ESRRG: variants seen among roughly 807,000 people sequenced by gnomAD.
ESRRG encodes estrogen-related receptor gamma.
ESRRG carries 13 observed loss-of-function variants against 44.0 expected under a neutral mutation model. That is an observed-to-expected ratio of 0.30 (90% confidence interval 0.19 to 0.47). The LOEUF (loss-of-function observed/expected upper bound fraction) is 0.47. Ranked by LOEUF, ESRRG falls within the 20% of genes least tolerant of loss-of-function variation. The pLI is 1.00. For synonymous variants in ESRRG, 215 were observed against 214.6 expected, an observed-to-expected ratio of 1.00 and a Z score of -0.02; for missense variants, 395 against 580.6, an observed-to-expected ratio of 0.68 and a Z score of 3.29.
At chr1:216,819,812 G>A (rs1189162231) in intron 2 of ESRRG, among the ~76,000 whole-genome samples, 1 of 152,070 alleles carries the variant, frequency 6.6e-6, no homozygotes. Context: ...AAATAAAGTG[G>A]AGAAAACCAG....
chr1:216,546,758 G>A (rs1023402401), intron 5 of ESRRG, among the ~76,000 whole-genome samples: 3 of 151,718 alleles, frequency 2.0e-5, no homozygotes, highest in African/African-American at 7.3e-5. Context: ...AGTGGATAAT[G>A]ATCAGGGTTT....
intron 3 of ESRRG, among the ~76,000 whole-genome samples, chr1:216,624,548 C>T (rs924120296): frequency 1.3e-5 from 2 of 152,316 alleles, no homozygotes; most frequent in African/African-American, 2.4e-5. Flanking sequence ...GAATATTCAG[C>T]ATACCTGCCT....
In ESRRG at chr1:216,566,735, C is replaced by T. The variant is rs919008103; in HGVS notation, c.700+1253G>A. Among the ~76,000 whole-genome samples the T allele has an allele frequency of 9.9e-5, 15 of 152,030 alleles. 1 individual carries two copies. Among genetic ancestry groups the T allele is most frequent in the Admixed American group, 7.9e-4 (12 of 15,256 alleles). On this transcript the variant is annotated intron_variant, in intron 4 of 6. Coordinates refer to ENST00000408911, the MANE Select transcript of ESRRG (RefSeq NM_001438.4). ...TGCAAAATCTGTTTAATGCAGTCCT[C>T]GATTGTATTTGCAGAATGCCAAACA...
intron 1 of ESRRG, among the ~76,000 whole-genome samples, chr1:216,998,222 A>T (rs917391234): frequency 6.6e-6 from 1 of 152,230 alleles, no homozygotes; most frequent in African/African-American, 2.4e-5. Flanking sequence ...AAGAAACACT[A>T]AACACCTAAA....
chr1:217,101,831 A>G (rs2092517083), intron 1 of ESRRG, among the ~76,000 whole-genome samples: 2 of 151,938 alleles, frequency 1.3e-5, no homozygotes, highest in South Asian at 4.2e-4. Flanking sequence ...ATTGAGACAG[A>G]GTTTCACTCT....
intron 1 of ESRRG, among the ~76,000 whole-genome samples, chr1:217,047,657 A>G (rs1219209286): frequency 1.3e-5 from 2 of 152,196 alleles, no homozygotes; most frequent in Non-Finnish European, 2.9e-5. Flanking sequence ...CAGCTAGGCC[A>G]TGATGATCAT....
chr1:216,553,885 T>G (rs2056964264), intron 5 of ESRRG, among the ~76,000 whole-genome samples: 1 of 152,054 alleles, frequency 6.6e-6, no homozygotes, highest in South Asian at 2.1e-4. Context: ...ATTTTAAAAG[T>G]GTGTTTTTTT....
chr1:216,606,187 G>T (rs1287509959), intron 3 of ESRRG, among the ~76,000 whole-genome samples: 1 of 152,168 alleles, frequency 6.6e-6, no homozygotes, highest in Non-Finnish European at 1.5e-5. Context: ...TGTTATCTTG[G>T]TGCCTGCAGA....
intron 1 of ESRRG, among the ~76,000 whole-genome samples, chr1:216,941,703 A>C (rs1012546523): frequency 3.3e-5 from 5 of 152,150 alleles, no homozygotes; most frequent in Admixed American, 6.6e-5. Context: ...AAGTGGTGAC[A>C]ACTAATCCAG....
At chr1:216,515,024 A>G in intron 6 of ESRRG, among the ~76,000 whole-genome samples, 1 of 151,810 alleles carries the variant, frequency 6.6e-6, no homozygotes, top group East Asian at 1.9e-4. Flanking sequence ...TACATGTATG[A>G]AACCAAACTG....
intron 1 of ESRRG, among the ~76,000 whole-genome samples, chr1:216,692,744 T>C (rs2151752544): frequency 6.6e-6 from 1 of 152,296 alleles, no homozygotes; most frequent in South Asian, 2.1e-4. Context: ...AAGTGTACCA[T>C]TTTTTATCCT....
chr1:216,915,651 C>T (rs1259479232), intron 2 of ESRRG, among the ~76,000 whole-genome samples: 2 of 152,176 alleles, frequency 1.3e-5, no homozygotes, highest in Non-Finnish European at 2.9e-5. Context: ...ACCGCTGTTA[C>T]AGTAGCAGAT....
chr1:216,965,760 C>G (rs551069645), intron 1 of ESRRG, among the ~76,000 whole-genome samples: 1 of 152,240 alleles, frequency 6.6e-6, no homozygotes, highest in East Asian at 1.9e-4. Flanking sequence ...TTGGAAAGAG[C>G]TGGGAGTAGG....
intron 1 of ESRRG, among the ~76,000 whole-genome samples, chr1:216,685,465 G>A (rs2077760563): frequency 6.6e-6 from 1 of 152,100 alleles, no homozygotes; most frequent in African/African-American, 2.4e-5. Context: ...AGACAATTCT[G>A]TTTTCAAGCA....
At chr1:216,568,833 T>C (rs1168320229) in intron 3 of ESRRG, among the ~76,000 whole-genome samples, 1 of 152,042 alleles carries the variant, frequency 6.6e-6, no homozygotes, top group East Asian at 1.9e-4. Context: ...GGCGGGCAGA[T>C]CACCTGAGGT....
rs149838232 is a variant in ESRRG at position 216,995,487 on chromosome 1, A to G, written c.-105-55814T>C. ...GGATTTCACCCCTGTGGGCTCCTTC[A>G]TTGTCATTCCTGTAAGAAGCATGCT... is the stretch of plus-strand genomic sequence containing the variant. On this transcript the variant is annotated intron_variant, in intron 1 of 7. Transcript: ENST00000359162. 6.6e-5 allele frequency among the ~76,000 whole-genome samples: 10 copies of G among 152,260 alleles called. No individual in the cohort carries two copies. In the East Asian group the frequency reaches 1.9e-3, roughly 29 times the overall value.
chr1:216,958,775 C>T (rs976547009), intron 1 of ESRRG, among the ~76,000 whole-genome samples: 7 of 152,102 alleles, frequency 4.6e-5, no homozygotes, highest in African/African-American at 1.7e-4. Context: ...AGTACTGCTC[C>T]ATCTGCTTAG....
chr1:216,883,390 A>C (rs937129024), intron 2 of ESRRG, among the ~76,000 whole-genome samples: 9 of 125,532 alleles, frequency 7.2e-5, no homozygotes, highest in South Asian at 3.7e-4. Context: ...CTCTGAGAAA[A>C]AAAAAAAAAA....
chr1:217,106,240 T>A (rs548421361), intron 1 of ESRRG, among the ~76,000 whole-genome samples: 1 of 152,168 alleles, frequency 6.6e-6, no homozygotes, highest in African/African-American at 2.4e-5. Context: ...AAATTCTCAA[T>A]ACATAATCCA....
Sources: allele counts gnomAD v4.1 joint callset (sites outside exome capture counted in the v4.1 genomes callset), GRCh38; gene constraint gnomAD v4.1.1; transcripts MANE v1.5; gene names NCBI Gene and HGNC (gene_info 2026-07-23, HGNC 2026-07-21).